Variants in MND1 observed in about 807,000 individuals in gnomAD.
MND1 encodes meiotic nuclear division protein 1 homolog.
MND1 carries 28 observed loss-of-function variants against 35.1 expected under a neutral mutation model. The observed-to-expected ratio is 0.80, with a 90% confidence interval of 0.59 to 1.09. The LOEUF is 1.09. Among genes scored for constraint, MND1 ranks in the 50% least tolerant of loss-of-function variants. MND1 has a pLI of 0.00. For missense variants in MND1, 213 were observed against 239.6 expected, an observed-to-expected ratio of 0.89 and a Z score of 0.73; for synonymous variants, 69 against 70.5, an observed-to-expected ratio of 0.98 and a Z score of 0.11.
intron 6 of MND1, among the ~76,000 whole-genome samples, chr4:153,407,060 G>T (rs1282751173): frequency 6.6e-6 from 1 of 152,178 alleles, no homozygotes; most frequent in Non-Finnish European, 1.5e-5. Context: ...TCCCACTGGG[G>T]TCCTCCCACA....
chr4:153,353,505 TTATA>T (rs905570962), intron 2 of MND1, among the ~76,000 whole-genome samples: 6 of 146,908 alleles, frequency 4.1e-5, no homozygotes, highest in Non-Finnish European at 7.5e-5. Context: ...AAGGAGTTCT[TTATA>T]TACGTATATC....
At chr4:153,365,271 AAC>A (rs1773606102) in intron 4 of MND1, among the ~76,000 whole-genome samples, 1 of 152,208 alleles carries the variant, frequency 6.6e-6, no homozygotes, top group Non-Finnish European at 1.5e-5. Context: ...TGTTGGCACA[AAC>A]AGTTCCCCAA....
At chr4:153,405,141 TAA>T (rs1242630910) in intron 6 of MND1, among the ~76,000 whole-genome samples, 2 of 152,170 alleles carry the variant, frequency 1.3e-5, no homozygotes, top group African/African-American at 2.4e-5. Flanking sequence ...AAGCTGATCT[TAA>T]GTTTCATATG....
chr4:153,357,144 T>A (rs1372071920), intron 3 of MND1, among the ~76,000 whole-genome samples: 1 of 152,208 alleles, frequency 6.6e-6, no homozygotes, highest in Non-Finnish European at 1.5e-5. Flanking sequence ...ATTGATGTAT[T>A]TTTTGTGTGT....
chr4:153,354,120 A>C (rs1422436324), intron 2 of MND1, among the ~76,000 whole-genome samples: 1 of 151,868 alleles, frequency 6.6e-6, no homozygotes, highest in Non-Finnish European at 1.5e-5. Flanking sequence ...GCTTATTAGC[A>C]GTAGAAAATA....
chr4:153,360,629 TAC>T (rs1334158816), intron 4 of MND1, among the ~76,000 whole-genome samples: 2 of 147,268 alleles, frequency 1.4e-5, no homozygotes, highest in East Asian at 2.0e-4. Flanking sequence ...CACATAAAAA[TAC>T]ACACATATAT....
intron 2 of MND1, among the ~76,000 whole-genome samples, chr4:153,354,916 A>G (rs1172333685): frequency 1.3e-5 from 2 of 152,116 alleles, no homozygotes; most frequent in Middle Eastern, 3.2e-3. Context: ...TAATCCTAGC[A>G]CTTTGGGAGG....
At chr4:153,361,124 G>A (rs1242672721) in intron 4 of MND1, among the ~76,000 whole-genome samples, 1 of 152,166 alleles carries the variant, frequency 6.6e-6, no homozygotes, top group South Asian at 2.1e-4. Context: ...GAGCCACTGC[G>A]ACCGGCCTGT....
rs1466494424 is a variant in MND1 at position 153,355,914 on chromosome 4, A to G, written c.127+203A>G. ...TATTTTTCTGTATAATACATCCTGT[A>G]TATTACATTTTGAATATATATCCCT... is the stretch of plus-strand genomic sequence containing the variant. On this transcript the variant is annotated intron_variant, in intron 3 of 7. Transcript: ENST00000240488. The G allele has an allele frequency of 6.5e-6, 3 of 461,186 alleles. No individual in the cohort carries two copies. The Admixed American group carries it at 1.2e-4, about 18-fold the overall frequency. 28.6% of individuals were successfully genotyped at this position (461,186 alleles called of 1,614,324 possible). A position where few individuals can be genotyped will look rare whatever the true frequency, so the allele number is the denominator to read the frequency against.
chr4:153,413,660 A>G (rs1016769058), intron 7 of MND1, among the ~76,000 whole-genome samples: 1 of 151,088 alleles, frequency 6.6e-6, no homozygotes, highest in African/African-American at 2.4e-5. Flanking sequence ...CCAGCCTGGG[A>G]GACAAAGCAA....
intron 6 of MND1, among the ~76,000 whole-genome samples, chr4:153,397,750 G>T (rs1244884665): frequency 6.6e-6 from 1 of 152,120 alleles, no homozygotes; most frequent in Non-Finnish European, 1.5e-5. Flanking sequence ...AGCCCAGGAG[G>T]TTGAAGCTGC....
At chr4:153,345,215 G>T in intron 1 of MND1, 1 of 466,372 alleles carries the variant, frequency 2.1e-6, no homozygotes, top group Non-Finnish European at 2.8e-6. Flanking sequence ...GAGGGACTGC[G>T]GGGAGCGAAC....
intron 4 of MND1, among the ~76,000 whole-genome samples, chr4:153,379,539 AAAAT>A (rs200671010): frequency 8.6e-5 from 13 of 151,266 alleles, no homozygotes; most frequent in Admixed American, 2.6e-4. Flanking sequence ...TCATCTCTGC[AAAAT>A]AAATAAATAA....
intron 4 of MND1, among the ~76,000 whole-genome samples, chr4:153,390,314 G>A (rs1220555316): frequency 6.6e-6 from 1 of 152,140 alleles, no homozygotes; most frequent in African/African-American, 2.4e-5. Flanking sequence ...AATTATTTCA[G>A]TACTTAGGAT....
At chr4:153,388,473 T>G (rs1561071793) in intron 4 of MND1, among the ~76,000 whole-genome samples, 1 of 152,084 alleles carries the variant, frequency 6.6e-6, no homozygotes, top group East Asian at 1.9e-4. Flanking sequence ...AACAACAGAG[T>G]AAGACCCTGT....
intron 4 of MND1, among the ~76,000 whole-genome samples, chr4:153,381,181 C>A (rs6836645): frequency 6.6e-6 from 1 of 151,894 alleles, no homozygotes; most frequent in African/African-American, 2.4e-5. Flanking sequence ...TTACAGGTAT[C>A]AGCCACTGCG....
intron 4 of MND1, among the ~76,000 whole-genome samples, chr4:153,390,093 G>C (rs188483305): frequency 6.6e-6 from 1 of 151,436 alleles, no homozygotes; most frequent in Non-Finnish European, 1.5e-5. Context: ...TATATATGGC[G>C]ACTAGAAATC....
rs528476420 is a variant in MND1 at position 153,404,732 on chromosome 4, G to A, written c.467-4239G>A. 3.9e-5 allele frequency among the ~76,000 whole-genome samples: 6 copies of A among 152,130 alleles called. No homozygotes were observed. In the East Asian group the frequency reaches 7.7e-4, roughly 20 times the overall value. On this transcript the variant is annotated intron_variant, in intron 6 of 7. Transcript: ENST00000240488. ...GACCTCCGGTGATCTGCCCGCCTCG[G>A]CCTCTGAAAGTGCTAGGATTACAGG...
At chr4:153,406,294 G>T (rs1186359435) in intron 6 of MND1, among the ~76,000 whole-genome samples, 2 of 152,146 alleles carry the variant, frequency 1.3e-5, no homozygotes, top group African/African-American at 4.8e-5. Context: ...GGCCAAGGCA[G>T]GTGGATCATG....
Sources: allele counts gnomAD v4.1 joint callset (sites outside exome capture counted in the v4.1 genomes callset), GRCh38; gene constraint gnomAD v4.1.1; transcripts MANE v1.5; gene names NCBI Gene and HGNC (gene_info 2026-07-23, HGNC 2026-07-21).